Variants in SH3D19 observed in about 807,000 individuals in gnomAD.
SH3D19 encodes SH3 domain-containing protein 19.
A neutral mutation model predicts 112.1 loss-of-function variants in SH3D19; 58 were observed. That is an observed-to-expected ratio of 0.52 (90% CI 0.42 to 0.64). The LOEUF (loss-of-function observed/expected upper bound fraction) is 0.64. Among genes scored for constraint, SH3D19 ranks in the 30% least tolerant of loss-of-function variants. SH3D19 has a pLI of 0.00. For synonymous variants in SH3D19, 391 were observed against 448.5 expected, an observed-to-expected ratio of 0.87 and a Z score of 1.62; for missense variants, 1,090 against 1,263.4, an observed-to-expected ratio of 0.86 and a Z score of 2.08.
chr4:151,262,290 C>T (rs1309562065), intron 1 of SH3D19: 1 of 152,336 alleles, frequency 6.6e-6, no homozygotes, highest in East Asian at 1.9e-4. Context: ...TTAATTAAGA[C>T]AGCTTTGACT....
intron 2 of SH3D19, among the ~76,000 whole-genome samples, chr4:151,217,157 G>C (rs904082101): frequency 1.1e-4 from 16 of 152,052 alleles, no homozygotes; most frequent in African/African-American, 3.4e-4. Flanking sequence ...ATATGGTCAG[G>C]GAAATGCTAC....
At chr4:151,220,292 T>C (rs1767821453) in intron 2 of SH3D19, among the ~76,000 whole-genome samples, 1 of 152,266 alleles carries the variant, frequency 6.6e-6, no homozygotes, top group African/African-American at 2.4e-5. Flanking sequence ...TTTAATGAAA[T>C]TTCATTTAAT....
chr4:151,251,669 C>A (rs1771417862), intron 1 of SH3D19, among the ~76,000 whole-genome samples: 1 of 152,116 alleles, frequency 6.6e-6, no homozygotes, highest in East Asian at 1.9e-4. Flanking sequence ...TATAATCACT[C>A]CCCTGTCCAC....
intron 1 of SH3D19, among the ~76,000 whole-genome samples, chr4:151,235,189 C>T (rs1309337343): frequency 2.0e-5 from 3 of 152,124 alleles, no homozygotes; most frequent in African/African-American, 7.2e-5. Context: ...CCCCTCCTCC[C>T]GCCCTCCACC....
chr4:151,270,183 T>A (rs932070159), intron 1 of SH3D19, among the ~76,000 whole-genome samples: 1 of 152,130 alleles, frequency 6.6e-6, no homozygotes, highest in Admixed American at 6.5e-5. Flanking sequence ...TTGATATAGT[T>A]TGGATGCTGA....
At position 151,137,621 on chromosome 4, in the gene SH3D19, A is replaced by C; in HGVS notation, c.2427+111T>G. The C allele has an allele frequency of 6.1e-6, 5 of 821,178 alleles. No individual in the cohort carries two copies. In the South Asian group the frequency reaches 1.2e-4, roughly 20 times the overall value. The allele number at this position is 821,178 out of a possible 1,614,324, so 50.9% of individuals were successfully genotyped here. On this transcript the variant is annotated intron_variant, in intron 14 of 19. Coordinates refer to ENST00000604030, the MANE Select transcript of SH3D19 (RefSeq NM_001378122.1). ...TTTTGAATTTTCCAAATGCCAAATG[A>C]ATCAATGAAAGAGAACTAGAATCTG...
chr4:151,212,362 C>T (rs1425367261), intron 2 of SH3D19, among the ~76,000 whole-genome samples: 1 of 152,098 alleles, frequency 6.6e-6, no homozygotes, highest in African/African-American at 2.4e-5. Flanking sequence ...CCAGGCTGGT[C>T]TCAAACTCCT....
intron 1 of SH3D19, among the ~76,000 whole-genome samples, chr4:151,304,630 T>C (rs1728762895): frequency 6.6e-6 from 1 of 152,220 alleles, no homozygotes; most frequent in Non-Finnish European, 1.5e-5. Flanking sequence ...TAGTTGCTGC[T>C]GCACAAGGAT....
intron 1 of SH3D19, among the ~76,000 whole-genome samples, chr4:151,249,923 C>T (rs1019985426): frequency 6.6e-6 from 1 of 152,056 alleles, no homozygotes; most frequent in Non-Finnish European, 1.5e-5. Context: ...TTATTCTTCC[C>T]AAATTAGTGC....
chr4:151,171,815 T>C (rs369105560), intron 7 of SH3D19, among the ~76,000 whole-genome samples: 9 of 152,220 alleles, frequency 5.9e-5, no homozygotes, highest in Admixed American at 4.6e-4. Flanking sequence ...ACATTCTGCT[T>C]CTTTTGACAA....
Position 151,121,727 on chromosome 4 carries a change from TAA to T in SH3D19, c.*362_*363del, listed in dbSNP as rs1747999747. The T allele has an allele frequency of 6.1e-6, 1 of 162,894 alleles. No individual in the cohort carries two copies. The allele number at this position is 162,894 out of a possible 1,614,324, so 10.1% of individuals were successfully genotyped here. ...TAAATGTCCTCTTTTTTAACTAAAG[TAA>T]AAAAATGAAGAAGCATGGTTAATTC... On this transcript the variant is annotated 3_prime_UTR_variant, in exon 20 of 20. Transcript: ENST00000604030.
At chr4:151,155,386 T>C (rs928034700) in intron 9 of SH3D19, among the ~76,000 whole-genome samples, 7 of 152,226 alleles carry the variant, frequency 4.6e-5, no homozygotes, top group Non-Finnish European at 1.0e-4. Context: ...TCTCATTAAC[T>C]TGATATTGGC....
intron 1 of SH3D19, among the ~76,000 whole-genome samples, chr4:151,273,361 C>T (rs754042538): frequency 2.6e-5 from 4 of 151,780 alleles, no homozygotes; most frequent in Non-Finnish European, 4.4e-5. Context: ...GAGGCCGAGG[C>T]GGGTGGATCA....
intron 4 of SH3D19, among the ~76,000 whole-genome samples, chr4:151,178,434 C>A (rs977526295): frequency 4.6e-5 from 7 of 152,170 alleles, no homozygotes; most frequent in African/African-American, 1.4e-4. Flanking sequence ...AACAGTAGAA[C>A]CTGATCATTG....
intron 2 of SH3D19, among the ~76,000 whole-genome samples, chr4:151,208,336 CA>C (rs1377736448): frequency 2.0e-5 from 3 of 152,286 alleles, no homozygotes; most frequent in Non-Finnish European, 2.9e-5. Flanking sequence ...TCAGCTCCAA[CA>C]ATCACATAAA....
intron 1 of SH3D19, among the ~76,000 whole-genome samples, chr4:151,312,272 T>A (rs1729533062): frequency 6.6e-6 from 1 of 152,314 alleles, no homozygotes; most frequent in South Asian, 2.1e-4. Context: ...ACAACATGAA[T>A]TACTTAAGAT....
intron 7 of SH3D19, among the ~76,000 whole-genome samples, chr4:151,168,285 A>T (rs1220254158): frequency 6.6e-6 from 1 of 152,170 alleles, no homozygotes; most frequent in Non-Finnish European, 1.5e-5. Flanking sequence ...GCAGAAGGAA[A>T]CATGAGTGCA....
intron 1 of SH3D19, chr4:151,291,489 T>C: frequency 7.2e-7 from 1 of 1,384,238 alleles, no homozygotes; most frequent in Admixed American, 2.5e-5. Flanking sequence ...TGGGTGACTT[T>C]ATTTACAATT....
At chr4:151,160,540 A>T (rs2149798346) in intron 8 of SH3D19, among the ~76,000 whole-genome samples, 1 of 152,356 alleles carries the variant, frequency 6.6e-6, no homozygotes, top group African/African-American at 2.4e-5. Flanking sequence ...CAAATTAGTG[A>T]CAGCTAATTA....
Sources: gnomAD v4.1 joint callset for allele counts (sites outside exome capture counted in the v4.1 genomes callset) on GRCh38, gnomAD v4.1.1 for gene constraint, MANE v1.5 for transcripts, NCBI Gene and HGNC (gene_info 2026-07-23, HGNC 2026-07-21) for gene names.